CFAP57: variants seen among roughly 807,000 people sequenced by gnomAD.
The protein encoded by CFAP57 is cilia- and flagella-associated protein 57.
CFAP57 carries 116 observed loss-of-function variants against 146.8 expected under a neutral mutation model. That is an observed-to-expected ratio of 0.79 (90% CI 0.68 to 0.92). CFAP57 has a LOEUF of 0.92. Ranked by LOEUF, CFAP57 falls within the 40% of genes least tolerant of loss-of-function variation. The probability of loss-of-function intolerance (pLI) is 0.00; values close to 1 mark genes in which losing one functional copy is unlikely to be tolerated. For synonymous variants in CFAP57, 518 were observed against 552.8 expected, an observed-to-expected ratio of 0.94 and a Z score of 0.88; for missense variants, 1,377 against 1,527.2, an observed-to-expected ratio of 0.90 and a Z score of 1.64.
intron 3 of CFAP57, among the ~76,000 whole-genome samples, chr1:43,182,662 A>G (rs1240989491): frequency 6.6e-6 from 1 of 152,224 alleles, no homozygotes; most frequent in African/African-American, 2.4e-5. Context: ...TTATTCCAGA[A>G]TCAGACCAAA....
At chr1:43,210,212 G>C in intron 11 of CFAP57, 1 of 1,516,928 alleles carries the variant, frequency 6.6e-7, no homozygotes, top group Non-Finnish European at 8.8e-7. Flanking sequence ...CCGTGAGTGT[G>C]GGCTGCACTT....
chr1:43,236,388 A>G (rs368263451), intron 21 of CFAP57, among the ~76,000 whole-genome samples: 6 of 151,962 alleles, frequency 3.9e-5, no homozygotes, highest in African/African-American at 1.5e-4. Flanking sequence ...AAAGTTTTCA[A>G]AACCACTGTG....
intron 6 of CFAP57, 28 bp from the exon 7 acceptor site, chr1:43,197,525 G>A (rs1353879314): frequency 3.7e-6 from 6 of 1,614,000 alleles, no homozygotes; most frequent in South Asian, 1.1e-5. Context: ...CTTACTCTGC[G>A]GGATCTTGTT....
chr1:43,204,485 T>TC (rs1473810214), intron 9 of CFAP57, among the ~76,000 whole-genome samples: 1 of 152,166 alleles, frequency 6.6e-6, no homozygotes, highest in Non-Finnish European at 1.5e-5. Context: ...TGAATATGTG[T>TC]CCCCCCAGGG....
chr1:43,222,603 G>A (rs532246337), intron 15 of CFAP57, among the ~76,000 whole-genome samples: 14 of 152,330 alleles, frequency 9.2e-5, no homozygotes, highest in African/African-American at 3.4e-4. Context: ...TGGAGCATGA[G>A]GCCTGATTTG....
chr1:43,233,382 G>A (rs1234113813), intron 19 of CFAP57, among the ~76,000 whole-genome samples: 1 of 152,130 alleles, frequency 6.6e-6, no homozygotes, highest in African/African-American at 2.4e-5. Flanking sequence ...CTAGCTAACT[G>A]GGAGACTGAG....
chr1:43,191,485 G>C (rs1018355234), intron 6 of CFAP57, among the ~76,000 whole-genome samples: 21 of 151,484 alleles, frequency 1.4e-4, no homozygotes, highest in African/African-American at 5.1e-4. Context: ...TACTCGGGAG[G>C]CTGAGGCAGG....
chr1:43,212,155 A>G (rs1472578435), intron 11 of CFAP57, among the ~76,000 whole-genome samples: 1 of 152,162 alleles, frequency 6.6e-6, no homozygotes, highest in Admixed American at 6.5e-5. Flanking sequence ...AAACCAGAAA[A>G]TTGACATGGT....
chr1:43,215,531 C>A, intron 12 of CFAP57, 115 bp downstream of exon 12: 2 of 1,237,466 alleles, frequency 1.6e-6, no homozygotes, highest in Admixed American at 2.6e-5. Flanking sequence ...CCAGTGCAGA[C>A]CCCCACGGCT....
intron 18 of CFAP57, among the ~76,000 whole-genome samples, chr1:43,230,547 C>A (rs1303669173): frequency 1.3e-5 from 2 of 152,160 alleles, no homozygotes; most frequent in Non-Finnish European, 1.5e-5. Context: ...TCCCCTCTCC[C>A]CCCTCTTCAA....
chr1:43,236,087 C>T (rs1645676722), intron 21 of CFAP57, among the ~76,000 whole-genome samples: 1 of 151,704 alleles, frequency 6.6e-6, no homozygotes, highest in South Asian at 2.1e-4. Flanking sequence ...CAAGCGGCCT[C>T]CTGCCCAGCC....
In CFAP57 at chr1:43,185,137, T is replaced by G. The variant is rs768020259; in HGVS notation, c.762-12T>G. 1 of 1,613,964 alleles carries G rather than the reference T, an allele frequency of 6.2e-7. No homozygotes were observed. The highest frequency in any genetic ancestry group is 8.5e-7 in the Non-Finnish European group (1 of 1,179,902). ...TCTCTATAAATTATGTATGCTGTTT[T>G]TTTGTTTCCAGCCTGATTGAATTTC... On this transcript the variant is annotated splice_polypyrimidine_tract_variant and intron_variant, in intron 4 of 22. Transcript: ENST00000372492.
At position 43,215,274 on chromosome 1, in the gene CFAP57, A is replaced by C. The variant is rs1385363124; in HGVS notation, c.1949A>C (p.Asp650Ala). The change falls in exon 12 of 23, where the codon GAT becomes GCT. Residue 650 changes from aspartate (D) to alanine (A), a missense_variant. Transcript: ENST00000372492. ...PITKMLLTFD[D>A]QFLLTAAEDG... Reference sequence around the variant, plus strand: ...CTTCAGATGTTGCTTACCTTTGATGATCAGTTCCTGCTGACTGCTGCTGAG... The same window carrying C: ...CTTCAGATGTTGCTTACCTTTGATGCTCAGTTCCTGCTGACTGCTGCTGAG... 1.3e-6 allele frequency: 2 copies of C among 1,551,156 alleles called. No homozygotes were observed. The highest frequency in any genetic ancestry group is 2.7e-5 in the African/African-American group (2 of 73,142).
intron 6 of CFAP57, among the ~76,000 whole-genome samples, chr1:43,192,822 G>A (rs1180128428): frequency 1.3e-5 from 2 of 151,960 alleles, no homozygotes; most frequent in East Asian, 3.9e-4. Flanking sequence ...AGCTACTCAG[G>A]AGGCTGAGGC....
In CFAP57 at chr1:43,197,694, T is replaced by C; in HGVS notation, c.1262+2T>C. The C allele has an allele frequency of 6.2e-7, 1 of 1,614,166 alleles. No homozygotes were observed. Among genetic ancestry groups the C allele is most frequent in the Non-Finnish European group, 8.5e-7 (1 of 1,180,026 alleles). ...CCGCCTTTGGAATTATGAAACAAAG[T>C]AAGGAATGAAAGGCTTGCCTACTTT... On this transcript the variant is annotated splice_donor_variant, in intron 7 of 22. Coordinates refer to ENST00000372492, the MANE Select transcript of CFAP57 (RefSeq NM_001378189.1). LOFTEE classifies it high-confidence loss of function.
intron 22 of CFAP57, among the ~76,000 whole-genome samples, chr1:43,243,606 C>G (rs1646007618): frequency 2.0e-5 from 3 of 152,192 alleles, no homozygotes; most frequent in Non-Finnish European, 4.4e-5. Flanking sequence ...AATGCAGACT[C>G]TTTTAGATTT....
At chr1:43,231,405 T>A (rs1263960123) in intron 18 of CFAP57, among the ~76,000 whole-genome samples, 6 of 152,092 alleles carry the variant, frequency 3.9e-5, no homozygotes, top group Non-Finnish European at 7.4e-5. Flanking sequence ...CAAACCTCCC[T>A]CTTATCAGAA....
intron 22 of CFAP57, among the ~76,000 whole-genome samples, chr1:43,245,263 G>C (rs933160555): frequency 6.6e-6 from 1 of 151,196 alleles, no homozygotes; most frequent in African/African-American, 2.4e-5. Context: ...GAGGTTCAAG[G>C]CTGCTGTGAG....
intron 6 of CFAP57, among the ~76,000 whole-genome samples, chr1:43,189,471 A>G (rs1054984272): frequency 6.6e-6 from 1 of 152,210 alleles, no homozygotes; most frequent in Admixed American, 6.5e-5. Context: ...TTTGTTAAAT[A>G]TATTCTGAAA....
Sources: allele counts gnomAD v4.1 joint callset (sites outside exome capture counted in the v4.1 genomes callset), GRCh38; gene constraint gnomAD v4.1.1; transcripts MANE v1.5; gene names NCBI Gene and HGNC (gene_info 2026-07-23, HGNC 2026-07-21).